Variants in RYR2 observed in about 807,000 individuals in gnomAD.
The protein encoded by RYR2 is ryanodine receptor 2.
In RYR2, 227 loss-of-function variants were observed where a neutral mutation model predicts 601.1. That is an observed-to-expected ratio of 0.38 (90% confidence interval 0.34 to 0.42). RYR2 has a LOEUF of 0.42. Among genes scored for constraint, RYR2 ranks in the 10% least tolerant of loss-of-function variants. RYR2 has a pLI of 1.00. For missense variants in RYR2, 4,646 were observed against 6,156.5 expected, an observed-to-expected ratio of 0.75 and a Z score of 8.21; for synonymous variants, 2,223 against 2,175.1, an observed-to-expected ratio of 1.02 and a Z score of -0.61.
chr1:237,254,736 G>T (rs1488233381), intron 1 of RYR2, among the ~76,000 whole-genome samples: 1 of 152,154 alleles, frequency 6.6e-6, no homozygotes, highest in Non-Finnish European at 1.5e-5. Flanking sequence ...AGCGTGGTAT[G>T]AATAAATACA....
chr1:237,117,671 CCTTCTCTTCTCTTCTCTTCT>C (rs60631152), intron 1 of RYR2, among the ~76,000 whole-genome samples: 7,391 of 64,486 alleles, frequency 0.11, 359 homozygotes, highest in African/African-American at 0.13. Context: ...CTCTTCTCTT[CCTTCTCTTCTCTTCTCTTCT>C]CTTCTCTTCT....
At chr1:237,712,341 A>G (rs1688913870) in intron 71 of RYR2, among the ~76,000 whole-genome samples, 1 of 152,018 alleles carries the variant, frequency 6.6e-6, no homozygotes, top group Non-Finnish European at 1.5e-5. Context: ...AGCCCAGAGT[A>G]TAAGAGCCCG....
At chr1:237,669,084 G>C (rs912659816) in intron 58 of RYR2, among the ~76,000 whole-genome samples, 3 of 148,588 alleles carry the variant, frequency 2.0e-5, no homozygotes, top group Admixed American at 6.8e-5. Context: ...GACTCTTAAC[G>C]AGCATGCTGC....
Position 237,584,972 on chromosome 1 carries a change from C to A in RYR2, c.3599-4821C>A, listed in dbSNP as rs577962064. Among the ~76,000 whole-genome samples, 219 of 152,006 alleles carry A rather than the reference C, an allele frequency of 1.4e-3. 2 individuals are homozygous for A. The highest frequency in any genetic ancestry group is 3.4e-3 in the Middle Eastern group (1 of 294). ...CCCAGGCTGGTCTCAAATTCCTGGG[C>A]TCAAGCGAGCCTCCTGCCTCAGCCT... On this transcript the variant is annotated intron_variant, in intron 29 of 104. Coordinates refer to ENST00000366574, the MANE Select transcript of RYR2 (RefSeq NM_001035.3).
intron 25 of RYR2, among the ~76,000 whole-genome samples, chr1:237,532,487 C>G (rs10925449): frequency 0.074 from 11,247 of 151,934 alleles, 510 homozygotes; most frequent in Middle Eastern, 0.18. Context: ...TACCTAACTT[C>G]CAAAAGAATT....
chr1:237,681,961 G>A (rs577600274), intron 62 of RYR2, among the ~76,000 whole-genome samples: 1 of 152,118 alleles, frequency 6.6e-6, no homozygotes, highest in Non-Finnish European at 1.5e-5. Context: ...TTCTCAGAGG[G>A]TGTTGTTAAT....
At chr1:237,566,451 C>A in intron 27 of RYR2, 116 bp from the exon 28 acceptor site, 1 of 1,043,170 alleles carries the variant, frequency 9.6e-7, no homozygotes, top group Non-Finnish European at 1.4e-6. Flanking sequence ...ATCATCATCG[C>A]TCTAGGTTGA....
chr1:237,554,702 A>G (rs2805461), intron 27 of RYR2, among the ~76,000 whole-genome samples: 136,218 of 151,978 alleles, frequency 0.9, 62,004 homozygotes, highest in East Asian at 0.97. Flanking sequence ...TTGTGTGTCA[A>G]CTTTGATAAA....
chr1:237,573,681 G>A (rs573970204), intron 29 of RYR2, among the ~76,000 whole-genome samples: 7 of 151,472 alleles, frequency 4.6e-5, no homozygotes, highest in South Asian at 2.1e-4. Flanking sequence ...GCGTGGTGGC[G>A]GGCACTTGTA....
At chr1:237,785,155 ATTATCT>A (rs1361087400) in intron 90 of RYR2, 183 bp downstream of exon 90, 8 of 623,192 alleles carry the variant, frequency 1.3e-5, no homozygotes, top group African/African-American at 1.3e-4. Context: ...GAATTATTAA[ATTATCT>A]TAAACTATTA....
At chr1:237,332,487 T>C (rs1269207497) in intron 3 of RYR2, among the ~76,000 whole-genome samples, 1 of 152,166 alleles carries the variant, frequency 6.6e-6, no homozygotes, top group Non-Finnish European at 1.5e-5. Flanking sequence ...TTCTCAGTTA[T>C]GCTTAAGTTA....
intron 56 of RYR2, 82 bp from the exon 57 acceptor site, chr1:237,666,430 G>A (rs1684332961): frequency 8.3e-7 from 1 of 1,198,342 alleles, no homozygotes; most frequent in African/African-American, 1.6e-5. Context: ...TTGGAAATTT[G>A]TGCCATATTT....
intron 3 of RYR2, 55 bp downstream of exon 3, chr1:237,331,037 G>A (rs1160439742): frequency 2.9e-6 from 4 of 1,402,380 alleles, no homozygotes; most frequent in Non-Finnish European, 4.1e-6. Flanking sequence ...AGCTACTATA[G>A]GAACAATTTC....
At chr1:237,620,774 A>T (rs1678989292) in intron 38 of RYR2, among the ~76,000 whole-genome samples, 1 of 152,098 alleles carries the variant, frequency 6.6e-6, no homozygotes, top group Admixed American at 6.5e-5. Context: ...AAAATATGTG[A>T]AGCCAAAACT....
chr1:237,232,819 G>A (rs1035575078), intron 1 of RYR2, among the ~76,000 whole-genome samples: 10 of 152,318 alleles, frequency 6.6e-5, no homozygotes, highest in Non-Finnish European at 1.2e-4. Context: ...CTTGCCTGGT[G>A]TGTGGGGAGA....
At chr1:237,673,473 G>A (rs1324476894) in intron 58 of RYR2, among the ~76,000 whole-genome samples, 1 of 151,988 alleles carries the variant, frequency 6.6e-6, no homozygotes, top group East Asian at 1.9e-4. Flanking sequence ...ATCAGGATAA[G>A]TATACTAGGA....
At position 237,042,564 on chromosome 1, in the gene RYR2, C is replaced by A. The variant is rs868468826; in HGVS notation, c.43C>A (p.Arg15=). The A allele has an allele frequency of 7.9e-7, 1 of 1,261,798 alleles. No homozygotes were observed. Among genetic ancestry groups the A allele is most frequent in the East Asian group, 3.1e-5 (1 of 32,612 alleles). 78.2% of individuals were successfully genotyped at this position (1,261,798 alleles called of 1,614,324 possible). The change falls in exon 1 of 105, where the codon CGA becomes AGA. Residue 15 remains arginine (R), a synonymous_variant. Coordinates refer to ENST00000366574, the MANE Select transcript of RYR2 (RefSeq NM_001035.3). ...GGGCGAAGACGAGATCCAGTTCCTG[C>A]GAACTGTAAGCGCCGTGCGTCGCGT... ...GEGEDEIQFL[R]TDDEVVLQCT... is the part of the protein sequence containing the mutation.
intron 35 of RYR2, among the ~76,000 whole-genome samples, chr1:237,605,381 G>A (rs192834220): frequency 2.6e-5 from 4 of 152,250 alleles, no homozygotes; most frequent in African/African-American, 7.2e-5. Flanking sequence ...AGCCCTTCAT[G>A]CTAAAAACTC....
intron 56 of RYR2, among the ~76,000 whole-genome samples, chr1:237,666,169 G>A (rs1684310914): frequency 6.6e-6 from 1 of 152,174 alleles, no homozygotes; most frequent in Non-Finnish European, 1.5e-5. Flanking sequence ...TTGCTTGCGT[G>A]AGGAAGAGTA....
Sources: allele counts gnomAD v4.1 joint callset (sites outside exome capture counted in the v4.1 genomes callset), GRCh38; gene constraint gnomAD v4.1.1; transcripts MANE v1.5; gene names NCBI Gene and HGNC (gene_info 2026-07-23, HGNC 2026-07-21).